PGM3: variants seen among roughly 807,000 people sequenced by gnomAD.
PGM3 encodes phosphoglucomutase 3.
A neutral mutation model predicts 66.2 loss-of-function variants in PGM3; 40 were observed. The observed-to-expected ratio is 0.60, with a 90% CI of 0.47 to 0.79. PGM3 has a LOEUF of 0.79. PGM3 is among the 30% of genes least tolerant of loss of function. PGM3 has a pLI of 0.00. For missense variants in PGM3, 537 were observed against 643.4 expected, an observed-to-expected ratio of 0.83 and a Z score of 1.79; for synonymous variants, 191 against 224.2, an observed-to-expected ratio of 0.85 and a Z score of 1.32.
chr6:83,176,787 G>T (rs1484162566), intron 8 of PGM3, among the ~76,000 whole-genome samples: 1 of 152,176 alleles, frequency 6.6e-6, no homozygotes, highest in Non-Finnish European at 1.5e-5. Context: ...ATTTCATCTG[G>T]AAGACAGTGA....
the PGM3 span, chr6:83,152,305 A>G: frequency 5.1e-6 from 8 of 1,573,332 alleles, no homozygotes; most frequent in Non-Finnish European, 5.2e-6. Flanking sequence ...ATCACCTGCA[A>G]TGGAAACCGC....
At chr6:83,162,361 C>T (rs1402542444), downstream of PGM3, among the ~76,000 whole-genome samples, 1 of 152,080 alleles carries the variant, frequency 6.6e-6, no homozygotes, top group Non-Finnish European at 1.5e-5. Flanking sequence ...TACTATGCAA[C>T]TAGGGAACAT....
At position 83,168,174 on chromosome 6, in the gene PGM3, T is replaced by C. The variant is rs765677299; in HGVS notation, c.*1060A>G. The C allele has an allele frequency of 6.2e-6, 10 of 1,607,624 alleles. No homozygotes were observed. The highest frequency in any genetic ancestry group is 1.7e-4 in the Middle Eastern group (1 of 5,976). ...AGGGATGATAAAAACTTGAGCACCATTGCTGGTTCCATTTAGCTTACATGT... is the reference window on the plus strand; with the variant it reads ...AGGGATGATAAAAACTTGAGCACCACTGCTGGTTCCATTTAGCTTACATGT... On this transcript the variant is annotated 3_prime_UTR_variant, in exon 13 of 13. Transcript: ENST00000513973.
intron 1 of PGM3, among the ~76,000 whole-genome samples, chr6:83,191,978 A>C (rs1038325247): frequency 6.7e-6 from 1 of 149,588 alleles, no homozygotes; most frequent in African/African-American, 2.5e-5. Flanking sequence ...AAAAAAAAAA[A>C]AAAACAGGCC....
chr6:83,191,372 ATCATTTCATT>A, intron 1 of PGM3: 1 of 711,364 alleles, frequency 1.4e-6, no homozygotes, highest in South Asian at 1.7e-5. Flanking sequence ...GAGCTCAAAG[ATCATTTCATT>A]TTACAAAAAG....
At chr6:83,151,502 T>C in the PGM3 span, 5 of 926,442 alleles carry the variant, frequency 5.4e-6, no homozygotes, top group South Asian at 9.3e-5. Flanking sequence ...TCAAGACCAT[T>C]AAGCCGCTTA....
chr6:83,170,239 T>C (rs908295888), intron 12 of PGM3, 66 bp downstream of exon 12: 9 of 1,449,070 alleles, frequency 6.2e-6, no homozygotes, highest in Non-Finnish European at 8.7e-6. Context: ...CTAAAAACCA[T>C]TAAAATAGTT....
At chr6:83,185,264 G>A (rs1788489279) in intron 4 of PGM3, among the ~76,000 whole-genome samples, 1 of 152,222 alleles carries the variant, frequency 6.6e-6, no homozygotes, top group African/African-American at 2.4e-5. Flanking sequence ...ACCAGCATTT[G>A]TGCATTTTAA....
At chr6:83,158,043 G>A (rs1311451008), downstream of PGM3, among the ~76,000 whole-genome samples, 2 of 151,602 alleles carry the variant, frequency 1.3e-5, no homozygotes, top group African/African-American at 4.8e-5. Context: ...CTGTCACCCA[G>A]GCTGGAGTGC....
Position 83,168,176 on chromosome 6 carries a change from G to C in PGM3, c.*1058C>G, listed in dbSNP as rs1222655968. ...GGATGATAAAAACTTGAGCACCATT[G>C]CTGGTTCCATTTAGCTTACATGTAA... On this transcript the variant is annotated 3_prime_UTR_variant, in exon 13 of 13. Coordinates refer to ENST00000513973, the MANE Select transcript of PGM3 (RefSeq NM_015599.3). 1.9e-6 allele frequency: 3 copies of C among 1,606,752 alleles called. No homozygotes were observed. The highest frequency in any genetic ancestry group is 8.5e-7 in the Non-Finnish European group (1 of 1,177,268).
chr6:83,164,767 A>C, downstream of PGM3: 1 of 1,494,896 alleles, frequency 6.7e-7, no homozygotes. Context: ...AAAGTTGCCA[A>C]ATATTGAGAC....
chr6:83,191,288 T>C, intron 1 of PGM3: 3 of 1,503,886 alleles, frequency 2.0e-6, no homozygotes, highest in South Asian at 2.4e-5. Context: ...AGGACTATCC[T>C]GGACGCCGGG....
At chr6:83,159,767 C>G (rs749629783), downstream of PGM3, 3 of 1,613,718 alleles carry the variant, frequency 1.9e-6, no homozygotes, top group South Asian at 3.3e-5. Context: ...ATGGGTCCAG[C>G]TGCTGACAGC....
chr6:83,155,869 G>A, the PGM3 span: 10 of 1,492,196 alleles, frequency 6.7e-6, no homozygotes, highest in East Asian at 9.2e-5. Flanking sequence ...GGATGTCATA[G>A]AGCATCTAGC....
downstream of PGM3, chr6:83,159,812 G>A (rs772325644): frequency 3.1e-6 from 5 of 1,614,148 alleles, no homozygotes; most frequent in Non-Finnish European, 4.2e-6. Flanking sequence ...AGGGCCCTCT[G>A]TGGCTGGTCT....
the PGM3 span, chr6:83,151,817 C>T: frequency 6.6e-7 from 1 of 1,510,156 alleles, no homozygotes; most frequent in Non-Finnish European, 9.1e-7. Context: ...GAAATATAAA[C>T]TACAGAAGTT....
intron 6 of PGM3, among the ~76,000 whole-genome samples, chr6:83,181,171 T>C (rs1280516073): frequency 6.6e-6 from 1 of 152,180 alleles, no homozygotes; most frequent in Non-Finnish European, 1.5e-5. Flanking sequence ...TTCCTCCTAT[T>C]CTGCACTGAG....
chr6:83,183,078 T>G, intron 4 of PGM3, 100 bp from the exon 5 acceptor site: 1 of 1,056,244 alleles, frequency 9.5e-7, no homozygotes, highest in Non-Finnish European at 1.4e-6. Context: ...ACAAATCCTT[T>G]TGTGTCATCT....
intron 2 of PGM3, 23 bp from the exon 3 acceptor site, chr6:83,188,821 A>G (rs945281269): frequency 9.3e-6 from 15 of 1,604,788 alleles, no homozygotes; most frequent in Non-Finnish European, 1.3e-5. Context: ...ACAAACAATA[A>G]GCAATCTGTG....
Sources: allele counts gnomAD v4.1 joint callset (sites outside exome capture counted in the v4.1 genomes callset), GRCh38; gene constraint gnomAD v4.1.1; transcripts MANE v1.5; gene names NCBI Gene and HGNC (gene_info 2026-07-23, HGNC 2026-07-21).